The following KDR variants were observed in gnomAD, a reference collection of about 807,000 sequenced individuals.
KDR encodes kinase insert domain receptor, also known as vascular endothelial growth factor receptor 2.
A neutral mutation model predicts 160.9 loss-of-function variants in KDR; 43 were observed. The observed-to-expected ratio is 0.27, with a 90% CI of 0.21 to 0.34. KDR has a LOEUF of 0.34. Among genes scored for constraint, KDR ranks in the 10% least tolerant of loss-of-function variants. The pLI is 1.00. For synonymous variants in KDR, 617 were observed against 600.1 expected, an observed-to-expected ratio of 1.03 and a Z score of -0.41; for missense variants, 1,469 against 1,666.4, an observed-to-expected ratio of 0.88 and a Z score of 2.06.
At chr4:55,119,624 C>T (rs1354363559) in intron 2 of KDR, among the ~76,000 whole-genome samples, 1 of 152,044 alleles carries the variant, frequency 6.6e-6, no homozygotes, top group East Asian at 1.9e-4. Flanking sequence ...AAAAACAGCA[C>T]ATGGAAAGGC....
chr4:55,098,571 G>A (rs1720221357), intron 16 of KDR, 126 bp downstream of exon 16: 9 of 789,476 alleles, frequency 1.1e-5, no homozygotes, highest in Non-Finnish European at 1.5e-5. Context: ...GAACGTTATT[G>A]TATTGAAATA....
chr4:55,078,749 A>G lies in KDR; in HGVS notation c.*1192T>C. 4.3e-6 allele frequency: 1 copy of G among 232,936 alleles called. No homozygotes were observed. The highest frequency in any genetic ancestry group is 6.1e-5 in the East Asian group (1 of 16,480). The allele number at this position is 232,936 out of a possible 1,614,324, so 14.4% of individuals were successfully genotyped here. On this transcript the variant is annotated 3_prime_UTR_variant, in exon 30 of 30. Transcript: ENST00000263923. ...TTGAAAAAAAGGACAGAACAAGGGC[A>G]AAAATCAGTAGAAATAGCTCTATAT... is the stretch of plus-strand genomic sequence containing the variant.
intron 14 of KDR, 73 bp from the exon 15 acceptor site, chr4:55,102,101 A>C (rs1423316337): frequency 6.3e-7 from 1 of 1,592,334 alleles, no homozygotes; most frequent in Non-Finnish European, 8.6e-7. Flanking sequence ...GAAATTTAGA[A>C]AATATAAATG....
rs773352432 is a variant in KDR, at chr4:55,081,964, T to C, written c.3840A>G (p.Pro1280=). 1.9e-6 allele frequency: 3 copies of C among 1,607,640 alleles called. No homozygotes were observed. ...ATATGGCTGAGTCTTACCCAAAAGA[T>C]GGAGATAATTTGGTTCTGTCTTCCA... ...KTLEDRTKLS[P]SFGGMVPSKS... The change falls in exon 29 of 30, where the codon CCA becomes CCG. Residue 1280 remains proline (P), a synonymous_variant. Coordinates refer to ENST00000263923, the MANE Select transcript of KDR (RefSeq NM_002253.4).
intron 7 of KDR, among the ~76,000 whole-genome samples, chr4:55,111,674 T>G (rs1192915971): frequency 6.6e-6 from 1 of 152,202 alleles, no homozygotes; most frequent in Non-Finnish European, 1.5e-5. Context: ...AGAGCACATC[T>G]CTCTCTGTGT....
intron 7 of KDR, among the ~76,000 whole-genome samples, chr4:55,112,651 C>T (rs1720623173): frequency 6.6e-6 from 1 of 151,560 alleles, no homozygotes; most frequent in Non-Finnish European, 1.5e-5. Flanking sequence ...GCCTCAGCCT[C>T]CTGAGTAGCT....
chr4:55,117,234 A>G (rs1461123099), intron 3 of KDR, among the ~76,000 whole-genome samples: 1 of 152,228 alleles, frequency 6.6e-6, no homozygotes, highest in Non-Finnish European at 1.5e-5. Flanking sequence ...ATTTACTGAA[A>G]CTCATGAAAT....
At chr4:55,103,843 T>C (rs1252772221) in intron 13 of KDR, among the ~76,000 whole-genome samples, 1 of 150,936 alleles carries the variant, frequency 6.6e-6, no homozygotes, top group African/African-American at 2.4e-5. Flanking sequence ...GAGGAGAAAA[T>C]GGAGAGAAGT....
intron 9 of KDR, among the ~76,000 whole-genome samples, chr4:55,109,335 G>A (rs572356838): frequency 3.3e-5 from 5 of 151,910 alleles, no homozygotes; most frequent in South Asian, 2.1e-4. Flanking sequence ...CATCCGCCTC[G>A]GCCTCCCAAA....
chr4:55,096,114 C>T (rs374234183), intron 19 of KDR, 115 bp downstream of exon 19: 46 of 683,032 alleles, frequency 6.7e-5, no homozygotes, highest in East Asian at 4.5e-4. Context: ...CCTAGGAATC[C>T]GCAAAGTATT....
chr4:55,087,109 C>A (rs1719884303), intron 27 of KDR, among the ~76,000 whole-genome samples: 1 of 152,134 alleles, frequency 6.6e-6, no homozygotes, highest in Non-Finnish European at 1.5e-5. Context: ...TGCTGAAAAT[C>A]AGACGTGGGA....
chr4:55,082,037 T>G lies in KDR; in HGVS notation c.3767A>C (p.Asn1256Thr). ...AAGAACCATACCACTGTCCGTCTGG[T>G]TGTCCTTTTTAAGAGACAATGAGAT... ...EPEVKVIPDD[N>T]QTDSGMVLAS... The change falls in exon 29 of 30, where the codon AAC becomes ACC. Residue 1256 changes from asparagine to threonine, a missense_variant. Transcript: ENST00000263923. 6.2e-7 allele frequency: 1 copy of G among 1,612,558 alleles called. No homozygotes were observed. The highest frequency in any genetic ancestry group is 8.5e-7 in the Non-Finnish European group (1 of 1,178,552).
At chr4:55,110,153 G>A (rs549498382) in intron 9 of KDR, among the ~76,000 whole-genome samples, 17 of 152,230 alleles carry the variant, frequency 1.1e-4, no homozygotes, top group African/African-American at 3.4e-4. Flanking sequence ...TTTAGCTATC[G>A]AGGGTATCAC....
chr4:55,096,843 G>A (rs550124407), intron 18 of KDR: 1 of 193,810 alleles, frequency 5.2e-6, no homozygotes, highest in East Asian at 1.2e-4. Flanking sequence ...GAGGCTGATG[G>A]CACTAAGACT....
At chr4:55,124,825 C>T (rs1431853820) in intron 1 of KDR, among the ~76,000 whole-genome samples, 2 of 152,164 alleles carry the variant, frequency 1.3e-5, no homozygotes, top group African/African-American at 2.4e-5. Context: ...GTTTTCTTCC[C>T]CGGGCCCGGA....
intron 14 of KDR, 78 bp from the exon 15 acceptor site, chr4:55,102,106 T>C (rs1720326841): frequency 6.3e-7 from 1 of 1,580,732 alleles, no homozygotes; most frequent in Non-Finnish European, 8.7e-7. Context: ...TTAGAAAATA[T>C]AAATGCTGCC....
intron 12 of KDR, 101 bp downstream of exon 12, chr4:55,105,731 G>T (rs1720430802): frequency 1.3e-6 from 1 of 796,386 alleles, no homozygotes; most frequent in East Asian, 2.4e-5. Flanking sequence ...TTTCCTAAAT[G>T]CCATGCCACT....
chr4:55,083,700 T>G (rs1719791915), intron 27 of KDR, among the ~76,000 whole-genome samples: 1 of 151,644 alleles, frequency 6.6e-6, no homozygotes, highest in South Asian at 2.1e-4. Context: ...CCAGCCTACT[T>G]CCCACTACAA....
chr4:55,110,870 T>A (rs2110028455), intron 7 of KDR, 102 bp from the exon 8 acceptor site: 1 of 898,704 alleles, frequency 1.1e-6, no homozygotes, highest in Non-Finnish European at 1.8e-6. Flanking sequence ...AGGGTCTGAG[T>A]AGCTGCAGTT....
Sources: gnomAD v4.1 joint callset for allele counts (sites outside exome capture counted in the v4.1 genomes callset) on GRCh38, gnomAD v4.1.1 for gene constraint, MANE v1.5 for transcripts, NCBI Gene and HGNC (gene_info 2026-07-23, HGNC 2026-07-21) for gene names.